EXOSC7: variants seen among roughly 807,000 people sequenced by gnomAD.
EXOSC7 encodes the protein exosome complex component RRP42.
A neutral mutation model predicts 34.3 loss-of-function variants in EXOSC7; 25 were observed. That is an observed-to-expected ratio of 0.73 (90% CI 0.53 to 1.02). EXOSC7 has a LOEUF of 1.02. Ranked by LOEUF, EXOSC7 falls within the 50% of genes least tolerant of loss-of-function variation. EXOSC7 has a pLI of 0.00. For missense variants in EXOSC7, 370 were observed against 368.5 expected (o/e 1.00, Z -0.03); for synonymous variants, 130 against 143.0 (o/e 0.91, Z 0.65).
chr3:44,989,313 T>C (rs1045546759), intron 2 of EXOSC7, 72 bp downstream of exon 2: 3 of 1,199,490 alleles, frequency 2.5e-6, no homozygotes, highest in African/African-American at 3.0e-5. Context: ...CTGCTGACGC[T>C]GTCTGGCTTT....
intron 1 of EXOSC7, among the ~76,000 whole-genome samples, chr3:44,980,165 C>T (rs1017532778): frequency 2.0e-5 from 3 of 152,028 alleles, no homozygotes; most frequent in Non-Finnish European, 4.4e-5. Flanking sequence ...GGGTGAGGGG[C>T]ACCCTCTGAT....
intron 4 of EXOSC7, among the ~76,000 whole-genome samples, 168 bp from the exon 5 acceptor site, chr3:45,001,370 G>A (rs1488431529): frequency 2.0e-5 from 3 of 151,956 alleles, no homozygotes; most frequent in Non-Finnish European, 4.4e-5. Context: ...TTGAACCTGG[G>A]AGGCAGAGGT....
At chr3:45,000,837 A>C (rs1290893003) in intron 4 of EXOSC7, among the ~76,000 whole-genome samples, 1 of 152,112 alleles carries the variant, frequency 6.6e-6, no homozygotes, top group Non-Finnish European at 1.5e-5. Flanking sequence ...TCTGGGGCAA[A>C]ATAAAGGTGA....
intron 3 of EXOSC7, among the ~76,000 whole-genome samples, chr3:44,995,035 A>T (rs1706683215): frequency 6.6e-6 from 1 of 151,990 alleles, no homozygotes; most frequent in South Asian, 2.1e-4. Flanking sequence ...ACCAGGCTGG[A>T]GTGCAGTGGT....
At chr3:45,002,480 T>C (rs1336847515) in intron 5 of EXOSC7, among the ~76,000 whole-genome samples, 1 of 152,158 alleles carries the variant, frequency 6.6e-6, no homozygotes, top group Non-Finnish European at 1.5e-5. Context: ...ATGGAGGGGA[T>C]TGAAGTCCAC....
downstream of EXOSC7, among the ~76,000 whole-genome samples, chr3:45,011,792 G>C (rs540071947): frequency 6.6e-6 from 1 of 152,376 alleles, no homozygotes; most frequent in Non-Finnish European, 1.5e-5. Context: ...CAGGGCGTCT[G>C]TCTGTCTGGT....
At position 44,982,065 on chromosome 3, in the gene EXOSC7, C is replaced by G. The variant is rs554619721; in HGVS notation, c.57+5731C>G. ...TCTGCCAAGATTTATCCCTTCTCTG[C>G]AGCCACTTGCTGTCCAGCTTCCCTT... On this transcript the variant is annotated intron_variant, in intron 1 of 7. Transcript: ENST00000265564. 2.6e-5 allele frequency among the ~76,000 whole-genome samples: 4 copies of G among 152,262 alleles called. No individual in the cohort carries two copies. The East Asian group carries it at 7.7e-4, about 29-fold the overall frequency.
intron 3 of EXOSC7, among the ~76,000 whole-genome samples, chr3:44,991,383 T>C (rs1706568498): frequency 6.6e-6 from 1 of 152,228 alleles, no homozygotes; most frequent in South Asian, 2.1e-4. Context: ...CCTTTGTTCT[T>C]GGAGGAAGCA....
At position 44,989,149 on chromosome 3, in the gene EXOSC7, C is replaced by T. The variant is rs137943858; in HGVS notation, c.67C>T (p.Arg23Cys). 1.1e-4 allele frequency: 181 copies of T among 1,613,150 alleles called. No individual in the cohort carries two copies. Among genetic ancestry groups the T allele is most frequent in the Admixed American group, 4.2e-4 (25 of 59,994 alleles). Residue 23 changes from arginine to cysteine, a missense_variant, in exon 2 of 8, where the codon CGT (arginine) becomes TGT (cysteine). By Grantham distance (180) the Arg-to-Cys change is radical. Around this residue, in one of 3 missense-constraint regions of EXOSC7, gnomAD observed 95 missense variants for 79.8 expected, o/e 1.19. Transcript: ENST00000265564. The stretch of plus-strand genomic sequence containing the variant: ...GGTTGTTAACACCTAGGAAGACCTC[C>T]GTGTGGATGGCCGTGGCTGTGAGGA... ...YIVHGVQEDL[R>C]VDGRGCEDYR...
At chr3:45,006,711 C>T (rs188279924) in intron 6 of EXOSC7, among the ~76,000 whole-genome samples, 1,682 of 152,012 alleles carry the variant, frequency 0.011, 41 homozygotes, top group African/African-American at 0.038. Context: ...CCACCGCGCC[C>T]GGCCTTGTTT....
At chr3:44,992,389 A>G (rs1706597975) in intron 3 of EXOSC7, among the ~76,000 whole-genome samples, 1 of 152,208 alleles carries the variant, frequency 6.6e-6, no homozygotes, top group South Asian at 2.1e-4. Context: ...AGGTCTCAGA[A>G]AACTAATTGA....
At chr3:45,010,050 GGGATTTAGGCAT>G (rs1707162142) in intron 7 of EXOSC7, among the ~76,000 whole-genome samples, 1 of 152,158 alleles carries the variant, frequency 6.6e-6, no homozygotes, top group Non-Finnish European at 1.5e-5. Flanking sequence ...GATTGAGGCA[GGGATTTAGGCAT>G]GGATGTTTTT....
intron 1 of EXOSC7, among the ~76,000 whole-genome samples, chr3:44,978,354 G>T (rs1313150743): frequency 6.6e-6 from 1 of 152,092 alleles, no homozygotes; most frequent in Non-Finnish European, 1.5e-5. Flanking sequence ...TGCTCTGAAG[G>T]CTTCCCTAAG....
chr3:45,011,022 T>A (rs1007544755), intron 7 of EXOSC7, among the ~76,000 whole-genome samples: 2 of 152,248 alleles, frequency 1.3e-5, no homozygotes, highest in East Asian at 3.8e-4. Flanking sequence ...CTCTCTTTTT[T>A]ATTTTTTTGA....
In EXOSC7 at chr3:45,001,551, G is replaced by A. The variant is rs1282997585; in HGVS notation, c.434G>A (p.Gly145Asp). 1.9e-6 allele frequency: 3 copies of A among 1,613,402 alleles called. No homozygotes were observed. The highest frequency in any genetic ancestry group is 1.7e-5 in the Admixed American group (1 of 60,016). Residue 145 changes from glycine (G) to aspartate (D), a missense_variant, in exon 5 of 8, where the codon GGT becomes GAT. Transcript: ENST00000265564. ...LYVDVLLLEC[G>D]GNLFDAISIA... ...TGTCTCCCTTAGCTTCTGGAATGTG[G>A]TGGAAATTTGTTTGATGCCATTTCC...
At chr3:44,989,500 G>A in intron 2 of EXOSC7, 50 bp from the exon 3 acceptor site, 2 of 1,414,864 alleles carry the variant, frequency 1.4e-6, no homozygotes, top group East Asian at 4.6e-5. Flanking sequence ...AGGTGGTGGA[G>A]TACCTGGCTG....
chr3:44,991,099 G>T (rs1466772419), intron 3 of EXOSC7, among the ~76,000 whole-genome samples: 1 of 152,228 alleles, frequency 6.6e-6, no homozygotes, highest in Non-Finnish European at 1.5e-5. Context: ...GCTCAGGTCT[G>T]TCCAACCTGT....
intron 3 of EXOSC7, among the ~76,000 whole-genome samples, chr3:44,992,865 T>C (rs1706610128): frequency 6.6e-6 from 1 of 152,238 alleles, no homozygotes; most frequent in Admixed American, 6.5e-5. Context: ...CTTGGGTTTT[T>C]AACTAGGGGA....
At chr3:44,977,925 G>A (rs755219740) in intron 1 of EXOSC7, among the ~76,000 whole-genome samples, 2 of 152,194 alleles carry the variant, frequency 1.3e-5, no homozygotes, top group South Asian at 2.1e-4. Flanking sequence ...TAATTCCCAC[G>A]GCAGTTCATT....
Sources: allele counts gnomAD v4.1 joint callset (sites outside exome capture counted in the v4.1 genomes callset), GRCh38; gene constraint gnomAD v4.1.1; regional missense constraint gnomAD v4.1.1; transcripts MANE v1.5; gene names NCBI Gene and HGNC (gene_info 2026-07-23, HGNC 2026-07-21).